The following SVOP variants were observed in gnomAD, a reference collection of about 807,000 sequenced individuals.
SVOP encodes the protein synaptic vesicle 2-related protein.
Under a neutral mutation model 69.1 loss-of-function variants are expected in SVOP, and 17 were observed. The ratio of observed to expected loss-of-function variants is 0.25; its 90% CI spans 0.17 to 0.37. The LOEUF (loss-of-function observed/expected upper bound fraction) is 0.37, where lower values mean the gene tolerates loss of function less well. Ranked by LOEUF, SVOP falls within the 10% of genes least tolerant of loss-of-function variation. The pLI is 1.00. For missense variants in SVOP, 435 were observed against 597.5 expected, an observed-to-expected ratio of 0.73 and a Z score of 2.84; for synonymous variants, 238 against 238.6, an observed-to-expected ratio of 1.00 and a Z score of 0.02.
At chr12:108,973,417 G>C (rs2040090088) in intron 4 of SVOP, among the ~76,000 whole-genome samples, 1 of 152,078 alleles carries the variant, frequency 6.6e-6, no homozygotes, top group African/African-American at 2.4e-5. Context: ...GTTTAGACAG[G>C]ATCTTGCTCT....
At chr12:109,020,289 C>A (rs1024062655) in intron 1 of SVOP, among the ~76,000 whole-genome samples, 1 of 152,176 alleles carries the variant, frequency 6.6e-6, no homozygotes, top group East Asian at 1.9e-4. Context: ...GTTTCACCGA[C>A]CGTGCACAGC....
intron 1 of SVOP, among the ~76,000 whole-genome samples, chr12:108,993,338 G>A (rs2040213577): frequency 6.7e-6 from 1 of 149,878 alleles, no homozygotes; most frequent in Non-Finnish European, 1.5e-5. Flanking sequence ...GGAAAAAAAA[G>A]GTTAAAATGG....
intron 1 of SVOP, among the ~76,000 whole-genome samples, chr12:108,986,265 T>C (rs2040165332): frequency 6.6e-6 from 1 of 152,212 alleles, no homozygotes; most frequent in Non-Finnish European, 1.5e-5. Flanking sequence ...AGAAGTCACA[T>C]GGCTTGCCCA....
rs969678803 is a variant in SVOP at position 108,985,998 on chromosome 12, G to A, written c.36-2237C>T. On this transcript the variant is annotated intron_variant, in intron 1 of 15. Transcript: ENST00000610966. The stretch of plus-strand genomic sequence containing the variant: ...CACCTGAAACTCCACTCCTTGGCAA[G>A]GCTGGGCTTGGAAAACCTGAGCTGT... Among the ~76,000 whole-genome samples the A allele has an allele frequency of 4.6e-5, 7 of 152,184 alleles. No individual in the cohort carries two copies. In the South Asian group the frequency reaches 6.2e-4, roughly 14 times the overall value.
chr12:108,914,824 C>CT (rs2039703721), intron 15 of SVOP, among the ~76,000 whole-genome samples: 1 of 151,214 alleles, frequency 6.6e-6, no homozygotes, highest in African/African-American at 2.4e-5. Flanking sequence ...TCCTAAAGGG[C>CT]TGGGATTACA....
chr12:109,004,410 C>CTTTT (rs34124314), intron 1 of SVOP, among the ~76,000 whole-genome samples: 55,848 of 119,984 alleles, frequency 0.47, 16,959 homozygotes, highest in Non-Finnish European at 0.66. Flanking sequence ...GGTATTGCTA[C>CTTTT]TTTTTTTTTT....
chr12:108,987,455 G>C (rs780262742), intron 1 of SVOP, among the ~76,000 whole-genome samples: 2 of 152,152 alleles, frequency 1.3e-5, no homozygotes, highest in Non-Finnish European at 2.9e-5. Context: ...TTTAGATATA[G>C]ACCCATAAGA....
At chr12:108,924,105 C>T (rs1337303033) in intron 11 of SVOP, among the ~76,000 whole-genome samples, 1 of 152,088 alleles carries the variant, frequency 6.6e-6, no homozygotes, top group East Asian at 1.9e-4. Context: ...GCTCCCCAGC[C>T]CTTATGCCAT....
rs1483049846 is a variant in SVOP at position 108,912,161 on chromosome 12, G to A, written c.*374C>T. 2 of 1,084,196 alleles carry A rather than the reference G, an allele frequency of 1.8e-6. No individual in the cohort carries two copies. The highest frequency in any genetic ancestry group is 2.2e-6 in the Non-Finnish European group (2 of 890,666). 67.2% of individuals were successfully genotyped at this position (1,084,196 alleles called of 1,614,324 possible). On this transcript the variant is annotated 3_prime_UTR_variant, in exon 16 of 16. Transcript: ENST00000610966. The stretch of plus-strand genomic sequence containing the variant: ...GACAGCAGGTGTCACATGGGCCTGA[G>A]CCTGGACGGTATCTACAGAGAGATA...
chr12:108,913,032 T>C (rs563822472), intron 15 of SVOP, among the ~76,000 whole-genome samples: 1 of 152,152 alleles, frequency 6.6e-6, no homozygotes, highest in African/African-American at 2.4e-5. Flanking sequence ...ATCTCTTCTT[T>C]ATAAATTACC....
intron 1 of SVOP, among the ~76,000 whole-genome samples, chr12:109,011,008 G>A (rs574034069): frequency 9.2e-5 from 14 of 151,828 alleles, no homozygotes; most frequent in Admixed American, 7.9e-4. Flanking sequence ...TCTGCCTCCT[G>A]GTTTCAAGCG....
chr12:108,990,255 T>C (rs992408714), intron 1 of SVOP, among the ~76,000 whole-genome samples: 3 of 152,110 alleles, frequency 2.0e-5, no homozygotes, highest in Admixed American at 1.3e-4. Context: ...GCTCCATCCA[T>C]GTCCCTACAA....
chr12:108,944,976 CT>C, intron 7 of SVOP, 126 bp downstream of exon 7: 1 of 804,116 alleles, frequency 1.2e-6, no homozygotes, highest in South Asian at 1.7e-5. Flanking sequence ...CCTTTTACGT[CT>C]TTGCATATTG....
In SVOP at chr12:109,006,825, A is replaced by C. The variant is rs375735005; in HGVS notation, c.35+14009T>G. ...AGGTGAGCTGTTTGCTATTTCTAGG[A>C]ATTAGTTAACTCTGAGAGGGGCAAG... On this transcript the variant is annotated intron_variant, in intron 1 of 15. Transcript: ENST00000610966. 3.9e-5 allele frequency among the ~76,000 whole-genome samples: 6 copies of C among 152,174 alleles called. No individual in the cohort carries two copies. In the South Asian group the frequency reaches 1.2e-3, roughly 32 times the overall value.
chr12:108,915,588 G>A (rs1367398232), intron 15 of SVOP, among the ~76,000 whole-genome samples, 195 bp downstream of exon 15: 2 of 152,304 alleles, frequency 1.3e-5, no homozygotes, highest in African/African-American at 2.4e-5. Context: ...GCATGACCTT[G>A]AGCATGTCAT....
chr12:109,016,190 C>G (rs1437226657), intron 1 of SVOP, among the ~76,000 whole-genome samples: 2 of 152,220 alleles, frequency 1.3e-5, no homozygotes, highest in Admixed American at 1.3e-4. Context: ...TATCACTGTT[C>G]TGACTTCACC....
At chr12:108,936,148 T>C (rs1205079486) in intron 10 of SVOP, among the ~76,000 whole-genome samples, 2 of 151,974 alleles carry the variant, frequency 1.3e-5, no homozygotes, top group Middle Eastern at 3.4e-3. Flanking sequence ...CGGGTTCAAG[T>C]GGTTCTCATC....
chr12:108,934,342 GGAA>G, intron 10 of SVOP, 71 bp from the exon 11 acceptor site: 1 of 1,357,248 alleles, frequency 7.4e-7, no homozygotes, highest in Non-Finnish European at 1.0e-6. Context: ...TACCCCCTTG[GGAA>G]GGGCCAATGT....
At position 108,973,841 on chromosome 12, in the gene SVOP, C is replaced by A. The variant is rs185967733; in HGVS notation, c.382-1365G>T. On this transcript the variant is annotated intron_variant, in intron 4 of 15. Coordinates refer to ENST00000610966, the MANE Select transcript of SVOP (RefSeq NM_018711.5). The stretch of plus-strand genomic sequence containing the variant: ...CCACACCTCTCTAGGCCAGTCTGAC[C>A]AAGGCATTGCTTTTCAATGTAAACC... Among the ~76,000 whole-genome samples, 283 of 152,324 alleles carry A rather than the reference C, an allele frequency of 1.9e-3. 1 individual carries two copies. The highest frequency in any genetic ancestry group is 6.4e-3 in the African/African-American group (266 of 41,574).
Sources: gnomAD v4.1 joint callset for allele counts (sites outside exome capture counted in the v4.1 genomes callset) on GRCh38, gnomAD v4.1.1 for gene constraint, MANE v1.5 for transcripts, NCBI Gene and HGNC (gene_info 2026-07-23, HGNC 2026-07-21) for gene names.